Variants in SORCS2 observed in about 807,000 individuals in gnomAD.
SORCS2 encodes the protein sortilin related VPS10 domain containing receptor 2.
Under a neutral mutation model 141.6 loss-of-function variants are expected in SORCS2, and 100 were observed. The observed-to-expected ratio is 0.71, with a 90% confidence interval of 0.60 to 0.83. SORCS2 has a LOEUF of 0.83. Among genes scored for constraint, SORCS2 ranks in the 40% least tolerant of loss-of-function variants. The pLI is 0.00. For missense variants in SORCS2, 1,646 were observed against 1,560.2 expected, an observed-to-expected ratio of 1.05 and a Z score of -0.93; for synonymous variants, 789 against 676.9, an observed-to-expected ratio of 1.17 and a Z score of -2.57.
At chr4:7,649,422 G>C (rs1316426348) in intron 4 of SORCS2, among the ~76,000 whole-genome samples, 1 of 152,128 alleles carries the variant, frequency 6.6e-6, no homozygotes, top group Non-Finnish European at 1.5e-5. Context: ...TGGAAGGTCT[G>C]CGTGGAGAGT....
rs1387760174 is a variant in SORCS2 at position 7,252,584 on chromosome 4, T to C, written c.480+59458T>C. 2.0e-5 allele frequency among the ~76,000 whole-genome samples: 3 copies of C among 152,232 alleles called. No individual in the cohort carries two copies. The East Asian group carries it at 5.8e-4, about 29-fold the overall frequency. On this transcript the variant is annotated intron_variant, in intron 1 of 26. Transcript: ENST00000507866. ...AAGGCTCTACATACTTCCCCAAATG[T>C]CTTTGCACCAGACAGCGACTCTTTA...
At chr4:7,243,592 G>A (rs577359615) in intron 1 of SORCS2, among the ~76,000 whole-genome samples, 8 of 152,324 alleles carry the variant, frequency 5.3e-5, no homozygotes, top group Non-Finnish European at 7.4e-5. Context: ...GTGAAACACC[G>A]TCTATCAGGG....
At chr4:7,335,439 G>A (rs926825655) in intron 1 of SORCS2, among the ~76,000 whole-genome samples, 6 of 152,186 alleles carry the variant, frequency 3.9e-5, no homozygotes, top group African/African-American at 9.7e-5. Flanking sequence ...CTCCAGGCCC[G>A]ACAGACCCCA....
chr4:7,381,525 G>A (rs925060875), intron 1 of SORCS2, among the ~76,000 whole-genome samples: 2 of 152,230 alleles, frequency 1.3e-5, no homozygotes, highest in African/African-American at 4.8e-5. Context: ...CTCCTCCCTG[G>A]TGAAGGCTGT....
intron 18 of SORCS2, among the ~76,000 whole-genome samples, chr4:7,721,940 T>C (rs1435482882): frequency 6.6e-6 from 1 of 152,236 alleles, no homozygotes; most frequent in African/African-American, 2.4e-5. Flanking sequence ...AAATGAAATA[T>C]ACCAGGATGT....
chr4:7,429,040 C>G (rs1021905309), intron 2 of SORCS2, among the ~76,000 whole-genome samples: 1 of 152,158 alleles, frequency 6.6e-6, no homozygotes, highest in Non-Finnish European at 1.5e-5. Context: ...GTGACCATTT[C>G]ACAGACGAGG....
chr4:7,623,940 C>T (rs1231397987), intron 3 of SORCS2, among the ~76,000 whole-genome samples: 1 of 152,192 alleles, frequency 6.6e-6, no homozygotes, highest in African/African-American at 2.4e-5. Flanking sequence ...TGTCAGGGCT[C>T]TACCCCACCA....
intron 2 of SORCS2, among the ~76,000 whole-genome samples, chr4:7,496,689 A>G (rs1237701830): frequency 6.6e-6 from 1 of 152,064 alleles, no homozygotes; most frequent in Non-Finnish European, 1.5e-5. Flanking sequence ...TTCATTATTC[A>G]TGGGCCACAT....
chr4:7,211,838 C>T (rs956915005), intron 1 of SORCS2, among the ~76,000 whole-genome samples: 1 of 152,094 alleles, frequency 6.6e-6, no homozygotes, highest in Non-Finnish European at 1.5e-5. Context: ...GGGGTGGGAG[C>T]GGGCCTCACT....
intron 2 of SORCS2, among the ~76,000 whole-genome samples, chr4:7,412,507 G>A (rs770705589): frequency 7.2e-5 from 11 of 152,136 alleles, no homozygotes; most frequent in Non-Finnish European, 1.2e-4. Context: ...CCATAAGATC[G>A]TCTCAGATGC....
intron 22 of SORCS2, among the ~76,000 whole-genome samples, 182 bp downstream of exon 22, chr4:7,728,644 C>A (rs974093909): frequency 6.6e-6 from 1 of 152,198 alleles, no homozygotes; most frequent in African/African-American, 2.4e-5. Flanking sequence ...GGCACACTGC[C>A]CTTATTTAGG....
chr4:7,621,536 AGTAT>A (rs1264316964), intron 3 of SORCS2, among the ~76,000 whole-genome samples: 2 of 127,952 alleles, frequency 1.6e-5, no homozygotes, highest in East Asian at 2.4e-4. Context: ...TCTATGTGTG[AGTAT>A]GTGTGTGTGT....
intron 2 of SORCS2, among the ~76,000 whole-genome samples, chr4:7,484,906 C>T (rs182141053): frequency 1.3e-5 from 2 of 152,274 alleles, no homozygotes; most frequent in African/African-American, 2.4e-5. Context: ...ACACAGCCTG[C>T]CTCCTTAAGG....
chr4:7,350,975 C>T (rs887933469), intron 1 of SORCS2, among the ~76,000 whole-genome samples: 1 of 152,176 alleles, frequency 6.6e-6, no homozygotes, highest in Admixed American at 6.5e-5. Context: ...CTCCCTGGGG[C>T]ACACGTGGTC....
At chr4:7,592,329 G>C (rs1347229070) in intron 3 of SORCS2, among the ~76,000 whole-genome samples, 3 of 152,102 alleles carry the variant, frequency 2.0e-5, no homozygotes, top group African/African-American at 7.2e-5. Context: ...TTCTACAGTT[G>C]CCTTACTCGC....
At chr4:7,478,658 C>T (rs933325862) in intron 2 of SORCS2, among the ~76,000 whole-genome samples, 4 of 152,158 alleles carry the variant, frequency 2.6e-5, no homozygotes, top group African/African-American at 9.7e-5. Context: ...CACTGTATCC[C>T]CTGAACTTTG....
At chr4:7,649,075 A>C (rs1410734485) in intron 4 of SORCS2, among the ~76,000 whole-genome samples, 1 of 152,142 alleles carries the variant, frequency 6.6e-6, no homozygotes, top group Non-Finnish European at 1.5e-5. Flanking sequence ...GACTTCACAG[A>C]CAGGGCTCTA....
At chr4:7,321,693 G>C (rs1283740282) in intron 1 of SORCS2, among the ~76,000 whole-genome samples, 1 of 152,248 alleles carries the variant, frequency 6.6e-6, no homozygotes, top group African/African-American at 2.4e-5. Flanking sequence ...GGCTGGGTGA[G>C]GAGGGTGATG....
intron 3 of SORCS2, among the ~76,000 whole-genome samples, chr4:7,579,822 T>G (rs890687979): frequency 6.6e-6 from 1 of 152,114 alleles, no homozygotes; most frequent in Non-Finnish European, 1.5e-5. Flanking sequence ...AGACACACAA[T>G]GCCAGGAAAT....
Sources: gnomAD v4.1 joint callset for allele counts (sites outside exome capture counted in the v4.1 genomes callset) on GRCh38, gnomAD v4.1.1 for gene constraint, MANE v1.5 for transcripts, NCBI Gene and HGNC (gene_info 2026-07-23, HGNC 2026-07-21) for gene names.